SNX13: variants seen among roughly 807,000 people sequenced by gnomAD.
SNX13 encodes sorting nexin-13.
A neutral mutation model predicts 133.6 loss-of-function variants in SNX13; 45 were observed. That is an observed-to-expected ratio of 0.34 (90% CI 0.27 to 0.43). The LOEUF (loss-of-function observed/expected upper bound fraction) is 0.43, where lower values mean the gene tolerates loss of function less well. Ranked by LOEUF, SNX13 falls within the 20% of genes least tolerant of loss-of-function variation. SNX13 has a pLI of 1.00. For missense variants in SNX13, 1,032 were observed against 1,145.1 expected (o/e 0.90, Z 1.43); for synonymous variants, 414 against 373.9 (o/e 1.11, Z -1.24).
chr7:17,890,911 T>C (rs1796552882), intron 4 of SNX13, among the ~76,000 whole-genome samples: 1 of 151,920 alleles, frequency 6.6e-6, no homozygotes, highest in South Asian at 2.1e-4. Context: ...ATCAGATCCA[T>C]TGCAGTCTAA....
chr7:17,852,463 A>G (rs995658232), intron 9 of SNX13, among the ~76,000 whole-genome samples: 1 of 152,220 alleles, frequency 6.6e-6, no homozygotes, highest in Non-Finnish European at 1.5e-5. Context: ...GATGTAAAAC[A>G]AAAATAAGGA....
intron 18 of SNX13, among the ~76,000 whole-genome samples, chr7:17,819,470 G>A (rs1357867478): frequency 2.0e-5 from 3 of 152,042 alleles, no homozygotes; most frequent in Non-Finnish European, 4.4e-5. Flanking sequence ...CAAGCAATCT[G>A]CCCACCTCAG....
Position 17,875,498 on chromosome 7 carries a change from A to T in SNX13, c.646T>A (p.Ser216Thr). 6.2e-7 allele frequency: 1 copy of T among 1,608,324 alleles called. No individual in the cohort carries two copies. The highest frequency in any genetic ancestry group is 1.1e-5 in the South Asian group (1 of 90,484). Residue 216 changes from serine to threonine, a missense_variant, in exon 7 of 26, where the codon TCC (serine) becomes ACC (threonine). Physicochemically the swap from Ser to Thr is moderately conservative, Grantham distance 58. Transcript: ENST00000428135. Reference sequence around the variant, plus strand: ...AGAAAACCTTCTTCATCTTTGGGGGAAGTGCACACTAGATCACGGCAAACC... The same window carrying T: ...AGAAAACCTTCTTCATCTTTGGGGGTAGTGCACACTAGATCACGGCAAACC... ...KEVCRDLVCT[S>T]PKDEEGFLRD...
In SNX13 at chr7:17,927,935, G is replaced by T. The variant is rs117597673; in HGVS notation, c.12+12349C>A. Among the ~76,000 whole-genome samples, 27 of 152,150 alleles carry T rather than the reference G, an allele frequency of 1.8e-4. 1 individual carries two copies. In the East Asian group the frequency reaches 5.2e-3, roughly 29 times the overall value. ...AAAACTTTTATCACAGCAGTTCCCTGGTACAAAAGCAAGATAAAACAGGCC... is the reference window on the plus strand; with the variant it reads ...AAAACTTTTATCACAGCAGTTCCCTTGTACAAAAGCAAGATAAAACAGGCC... On this transcript the variant is annotated intron_variant, in intron 1 of 25. Coordinates refer to ENST00000428135, the MANE Select transcript of SNX13 (RefSeq NM_015132.5).
At chr7:17,913,754 C>CAAA (rs1158895502) in intron 1 of SNX13, among the ~76,000 whole-genome samples, 5 of 87,274 alleles carry the variant, frequency 5.7e-5, no homozygotes, top group African/African-American at 1.2e-4. Flanking sequence ...AGCAAATTAA[C>CAAA]AAAAACAAAA....
At position 17,805,159 on chromosome 7, in the gene SNX13, A is replaced by G. The variant is rs969950134; in HGVS notation, c.2065-1579T>C. 9.0e-4 allele frequency among the ~76,000 whole-genome samples: 137 copies of G among 152,160 alleles called. 3 individuals carry two copies. Among genetic ancestry groups the G allele is most frequent in the Non-Finnish European group, 1.2e-4 (8 of 67,990 alleles). On this transcript the variant is annotated intron_variant, in intron 20 of 25. Coordinates refer to ENST00000428135, the MANE Select transcript of SNX13 (RefSeq NM_015132.5). ...GAAAAACATGACCACTGGTGGAGAG[A>G]AACATAAAGATAAAAAGATGAAGTT...
At chr7:17,914,836 G>C (rs766331269) in intron 1 of SNX13, among the ~76,000 whole-genome samples, 26 of 152,102 alleles carry the variant, frequency 1.7e-4, no homozygotes, top group Non-Finnish European at 1.5e-4. Context: ...AAGCCAACTA[G>C]CTAACAACAC....
Position 17,904,235 on chromosome 7 carries a change from C to T in SNX13, c.13-6789G>A, listed in dbSNP as rs985980760. 3.9e-5 allele frequency among the ~76,000 whole-genome samples: 6 copies of T among 152,258 alleles called. No homozygotes were observed. The South Asian group carries it at 6.2e-4, about 16-fold the overall frequency. ...TCAGAAATCACAGATTCCAGATTGCCGCTAACTTTCTGCATAACCTTTGCA... is the reference window on the plus strand; with the variant it reads ...TCAGAAATCACAGATTCCAGATTGCTGCTAACTTTCTGCATAACCTTTGCA... On this transcript the variant is annotated intron_variant, in intron 1 of 25. Transcript: ENST00000428135.
chr7:17,799,514 T>C (rs142220378), intron 22 of SNX13, among the ~76,000 whole-genome samples: 1 of 151,808 alleles, frequency 6.6e-6, no homozygotes, highest in Non-Finnish European at 1.5e-5. Context: ...TTCTGATGCA[T>C]CTTTTTCACA....
rs1235727657 is a variant in SNX13, at chr7:17,896,153, T to C, written c.125+1181A>G. Among the ~76,000 whole-genome samples the C allele has an allele frequency of 2.0e-5, 3 of 152,220 alleles. No homozygotes were observed. The East Asian group carries it at 5.8e-4, about 29-fold the overall frequency. On this transcript the variant is annotated intron_variant, in intron 2 of 25. Coordinates refer to ENST00000428135, the MANE Select transcript of SNX13 (RefSeq NM_015132.5). ...ATTTGGCTGCAGATCTGTAGTATCT[T>C]CAATCATCTTTATCATCTTCAGTCA...
chr7:17,930,423 T>C (rs73312146), intron 1 of SNX13, among the ~76,000 whole-genome samples: 6,542 of 152,218 alleles, frequency 0.043, 423 homozygotes, highest in African/African-American at 0.14. Context: ...AGGAGATATA[T>C]ATACATATAT....
chr7:17,816,315 C>CA, intron 18 of SNX13, 26 bp from the exon 19 acceptor site: 1 of 1,519,372 alleles, frequency 6.6e-7, no homozygotes, highest in South Asian at 1.3e-5. Flanking sequence ...CATTCAATAG[C>CA]ACTTTTTATA....
intron 5 of SNX13, chr7:17,881,480 T>C (rs531218137): frequency 2.6e-5 from 4 of 152,230 alleles, no homozygotes; most frequent in South Asian, 2.1e-4. Context: ...GTAAAAAAAA[T>C]AGAAATTTTT....
chr7:17,940,437 C>G lies in SNX13; in HGVS notation c.-142G>C, dbSNP rs559554797. The G allele has an allele frequency of 1.5e-5, 14 of 918,350 alleles. No individual in the cohort carries two copies. The East Asian group carries it at 3.7e-4, about 24-fold the overall frequency. 56.9% of individuals were successfully genotyped at this position (918,350 alleles called of 1,614,324 possible). Reference sequence around the variant, plus strand: ...CCCGGGCGGCGGTTTTACTCGGCTTCGCTGGCCTCCCCTCGGCCCGGTCGC... The same window carrying G: ...CCCGGGCGGCGGTTTTACTCGGCTTGGCTGGCCTCCCCTCGGCCCGGTCGC... On this transcript the variant is annotated 5_prime_UTR_variant, in exon 1 of 26. Coordinates refer to ENST00000428135, the MANE Select transcript of SNX13 (RefSeq NM_015132.5).
chr7:17,885,597 G>T (rs190391548), intron 5 of SNX13, among the ~76,000 whole-genome samples: 106 of 152,282 alleles, frequency 7.0e-4, no homozygotes, highest in African/African-American at 2.4e-3. Context: ...GGAGGCTGAG[G>T]CCAGTGGATT....
At chr7:17,856,172 G>A (rs1033815404) in intron 9 of SNX13, among the ~76,000 whole-genome samples, 3 of 152,150 alleles carry the variant, frequency 2.0e-5, no homozygotes, top group African/African-American at 7.2e-5. Flanking sequence ...TCAAAATGTG[G>A]GAGGATTAAA....
rs1454839633 is a variant in SNX13, at chr7:17,834,629, A to C, written c.1464+132T>G. On this transcript the variant is annotated intron_variant, in intron 14 of 25. Transcript: ENST00000428135. ...ATACTGGTTTACATTTCTGGAATTG[A>C]GAAGTATAATTGCCATAGTTTATCT... 5 of 496,884 alleles carry C rather than the reference A, an allele frequency of 1.0e-5. No individual in the cohort carries two copies. In the East Asian group the frequency reaches 1.3e-4, roughly 13 times the overall value. 30.8% of individuals were successfully genotyped at this position (496,884 alleles called of 1,614,324 possible). A position where few individuals can be genotyped will look rare whatever the true frequency, so the allele number is the denominator to read the frequency against.
chr7:17,800,238 A>C (rs1463560111), intron 22 of SNX13, among the ~76,000 whole-genome samples: 1 of 151,848 alleles, frequency 6.6e-6, no homozygotes, highest in Non-Finnish European at 1.5e-5. Flanking sequence ...TAAACATCCT[A>C]AAATAATCTT....
At chr7:17,856,436 C>G (rs1179466192) in intron 9 of SNX13, among the ~76,000 whole-genome samples, 2 of 152,230 alleles carry the variant, frequency 1.3e-5, no homozygotes, top group Admixed American at 1.3e-4. Context: ...ATAGTTACCT[C>G]CTTACCTATT....
Sources: gnomAD v4.1 joint callset for allele counts (sites outside exome capture counted in the v4.1 genomes callset) on GRCh38, gnomAD v4.1.1 for gene constraint, MANE v1.5 for transcripts, NCBI Gene and HGNC (gene_info 2026-07-23, HGNC 2026-07-21) for gene names.